Variants in EXD3 observed in about 807,000 individuals in gnomAD.
The protein encoded by EXD3 is exonuclease 3'-5' domain containing 3.
EXD3 carries 92 observed loss-of-function variants against 98.0 expected under a neutral mutation model. The observed-to-expected ratio is 0.94, with a 90% CI of 0.79 to 1.12. EXD3 has a LOEUF of 1.12. Ranked by LOEUF, EXD3 falls within the 50% of genes most tolerant of loss-of-function variation. The probability of loss-of-function intolerance (pLI) is 0.00; values close to 1 mark genes in which losing one functional copy is unlikely to be tolerated. For synonymous variants in EXD3, 569 were observed against 526.0 expected (o/e 1.08, Z -1.12); for missense variants, 1,222 against 1,191.6 (o/e 1.03, Z -0.38).
intron 19 of EXD3, among the ~76,000 whole-genome samples, chr9:137,313,666 C>T (rs1377428594): frequency 6.6e-6 from 1 of 152,120 alleles, no homozygotes; most frequent in Non-Finnish European, 1.5e-5. Context: ...GGGGCCCTGG[C>T]CTGGGTGGAA....
In EXD3 at chr9:137,395,669, G is replaced by A. The variant is rs73668261; in HGVS notation, c.-47-265C>T. ...AGGGCAGGGGGTGGGAGGGGCCCTG[G>A]GGGGGGGCACAGTAGACAGACCCTC... is the stretch of plus-strand genomic sequence containing the variant. On this transcript the variant is annotated intron_variant, in intron 1 of 21. Transcript: ENST00000340951. This position sits in a 1 kb window ranked among gnomAD's most constrained non-coding sequence, Gnocchi z 6.5. 2.0e-5 allele frequency among the ~76,000 whole-genome samples: 3 copies of A among 151,920 alleles called. No individual in the cohort carries two copies. Among genetic ancestry groups the A allele is most frequent in the Non-Finnish European group, 4.4e-5 (3 of 67,942 alleles).
chr9:137,391,535 C>G (rs1323127486), intron 2 of EXD3, among the ~76,000 whole-genome samples: 2 of 152,126 alleles, frequency 1.3e-5, no homozygotes. Flanking sequence ...CTTCCTGGAG[C>G]TGCTGCATCT....
intron 2 of EXD3, among the ~76,000 whole-genome samples, chr9:137,394,701 G>A (rs1050068314): frequency 2.4e-4 from 11 of 46,700 alleles, no homozygotes; most frequent in African/African-American, 5.8e-4. Flanking sequence ...CAGGGCAGCC[G>A]AGCGAGCGGG....
chr9:137,420,747 C>CG (rs558094199), intron 1 of EXD3, among the ~76,000 whole-genome samples: 3 of 147,534 alleles, frequency 2.0e-5, no homozygotes, highest in Admixed American at 2.0e-4. Flanking sequence ...ACCCCCCCCC[C>CG]CAAATTCATA....
At chr9:137,408,441 G>T (rs1350430423) in intron 1 of EXD3, among the ~76,000 whole-genome samples, 1 of 151,428 alleles carries the variant, frequency 6.6e-6, no homozygotes, top group Non-Finnish European at 1.5e-5. Context: ...CAGCTACTCC[G>T]GAGGCTGAGG....
At chr9:137,338,927 A>C (rs7856672) in intron 17 of EXD3, among the ~76,000 whole-genome samples, 2,534 of 151,532 alleles carry the variant, frequency 0.017, 64 homozygotes, top group African/African-American at 0.057. Context: ...AAGTTGACAC[A>C]TCTCTGCGAG....
chr9:137,351,268 C>A, intron 13 of EXD3, 50 bp downstream of exon 13: 1 of 1,564,882 alleles, frequency 6.4e-7, no homozygotes, highest in South Asian at 1.2e-5. Context: ...GGCAGGGGTG[C>A]GGGCTGCTTT....
intron 1 of EXD3, among the ~76,000 whole-genome samples, chr9:137,401,301 C>T (rs1837472079): frequency 6.6e-6 from 1 of 152,000 alleles, no homozygotes; most frequent in African/African-American, 2.4e-5. Context: ...CAACAGATGC[C>T]CGCCACCACA....
chr9:137,343,032 AT>A (rs1833730870), intron 17 of EXD3: 1 of 152,416 alleles, frequency 6.6e-6, no homozygotes, highest in Non-Finnish European at 1.5e-5. Flanking sequence ...AGGCAGGAGA[AT>A]CGCTTGAACC....
rs1173605607 is a variant in EXD3, at chr9:137,355,414, G to GGGAGGAA, written c.758-648_758-642dup. Among the ~76,000 whole-genome samples the GGGAGGAA allele has an allele frequency of 4.3e-4, 9 of 20,792 alleles. 1 individual carries two copies. Among genetic ancestry groups the GGGAGGAA allele is most frequent in the East Asian group, 4.0e-3 (2 of 494 alleles). 13.6% of individuals were successfully genotyped at this position (20,792 alleles called of 152,430 possible). On this transcript the variant is annotated intron_variant, in intron 8 of 21. Coordinates refer to ENST00000340951, the MANE Select transcript of EXD3 (RefSeq NM_017820.5). ...CCGGGCGACCATCTGCCCTGAGGCAGGGAGGAAGGAGGAAGGAGGATGGAG... is the reference window on the plus strand; with the variant it reads ...CCGGGCGACCATCTGCCCTGAGGCAGGGAGGAAGGAGGAAGGAGGAAGGAGGATGGAG...
intron 1 of EXD3, among the ~76,000 whole-genome samples, chr9:137,412,713 C>T (rs1323750633): frequency 1.3e-5 from 2 of 152,250 alleles, no homozygotes; most frequent in South Asian, 2.1e-4. Flanking sequence ...TGAACAGCAG[C>T]CTTGACTCAC....
chr9:137,368,994 C>T (rs1393643386), intron 5 of EXD3, among the ~76,000 whole-genome samples: 3 of 5,766 alleles, frequency 5.2e-4, no homozygotes, highest in Non-Finnish European at 1.0e-3. Flanking sequence ...GTGCCCGGGG[C>T]GGGGTGGGGG....
At chr9:137,346,030 C>T (rs970440083) in intron 17 of EXD3, 2 of 151,614 alleles carry the variant, frequency 1.3e-5, no homozygotes, top group Admixed American at 6.6e-5. Flanking sequence ...ACTCCTTGAT[C>T]GAGACCATCC....
chr9:137,353,398 C>T (rs573702817), intron 10 of EXD3: 512 of 985,416 alleles, frequency 5.2e-4, no homozygotes, highest in Admixed American at 1.4e-3. Context: ...CCCATCTCCA[C>T]GCTCCTCCTC....
rs752379047 is a variant in EXD3 at position 137,348,255 on chromosome 9, G to A, written c.1831-17C>T. On this transcript the variant is annotated splice_polypyrimidine_tract_variant and intron_variant, in intron 16 of 21. Transcript: ENST00000340951. ...CACAGGGACCTGCAGTGAGGCCCTGGTCAGCAGTCCCACGGTCACCCCCCA... is the reference window on the plus strand; with the variant it reads ...CACAGGGACCTGCAGTGAGGCCCTGATCAGCAGTCCCACGGTCACCCCCCA... 6.2e-7 allele frequency: 1 copy of A among 1,607,918 alleles called. No individual in the cohort carries two copies. Among genetic ancestry groups the A allele is most frequent in the Non-Finnish European group, 8.5e-7 (1 of 1,177,996 alleles).
intron 6 of EXD3, among the ~76,000 whole-genome samples, chr9:137,367,270 C>G (rs1187527401): frequency 6.6e-6 from 1 of 152,220 alleles, no homozygotes; most frequent in Non-Finnish European, 1.5e-5. Flanking sequence ...AGAGCCCTCT[C>G]TGGCCCCAGC....
Position 137,373,500 on chromosome 9 carries a change from G to T in EXD3, c.220C>A (p.Pro74Thr). The T allele has an allele frequency of 1.2e-6, 2 of 1,607,622 alleles. No homozygotes were observed. The highest frequency in any genetic ancestry group is 1.3e-5 in the African/African-American group (1 of 74,838). Residue 74 changes from proline to threonine, a missense_variant, in exon 4 of 22, where the codon CCC (proline) becomes ACC (threonine). Transcript: ENST00000340951. ...ESCRGQRGEG[P>T]SLAAWISHQL... ...TGGGAGATCCAGGCCGCCAGGGAGGGGCCCTCTCCCCGCTGGCCCCGGCAG... is the reference window on the plus strand; with the variant it reads ...TGGGAGATCCAGGCCGCCAGGGAGGTGCCCTCTCCCCGCTGGCCCCGGCAG...
chr9:137,365,745 CACAT>C (rs1303110567), intron 7 of EXD3: 7 of 322,562 alleles, frequency 2.2e-5, no homozygotes, highest in Non-Finnish European at 3.7e-5. Context: ...TACAGGCACA[CACAT>C]ACATGCACAC....
At position 137,349,810 on chromosome 9, in the gene EXD3, C is replaced by G. The variant is rs574939564; in HGVS notation, c.1495-279G>C. On this transcript the variant is annotated intron_variant, in intron 14 of 21. Transcript: ENST00000340951. The surrounding 1 kb of genome is among the most constrained non-coding windows in gnomAD (Gnocchi z 7.4). ...CAGCCCCTCACAGCCTCAGAGAGCCCGGGCCCTGAGTCTGTGTGGCCAGCT... is the reference window on the plus strand; with the variant it reads ...CAGCCCCTCACAGCCTCAGAGAGCCGGGGCCCTGAGTCTGTGTGGCCAGCT... Among the ~76,000 whole-genome samples the G allele has an allele frequency of 6.6e-6, 1 of 152,134 alleles. No individual in the cohort carries two copies. The highest frequency in any genetic ancestry group is 1.5e-5 in the Non-Finnish European group (1 of 68,006).
Sources: allele counts gnomAD v4.1 joint callset (sites outside exome capture counted in the v4.1 genomes callset), GRCh38; gene constraint gnomAD v4.1.1; non-coding constraint Gnocchi (gnomAD v3.1); transcripts MANE v1.5; gene names NCBI Gene and HGNC (gene_info 2026-07-23, HGNC 2026-07-21).